The following NAALADL2 variants were observed in gnomAD, a reference collection of about 807,000 sequenced individuals.
The protein encoded by NAALADL2 is inactive N-acetylated-alpha-linked acidic dipeptidase-like protein 2.
NAALADL2 carries 76 observed loss-of-function variants against 87.2 expected under a neutral mutation model. That is an observed-to-expected ratio of 0.87 (90% CI 0.72 to 1.05). NAALADL2 has a LOEUF of 1.05. NAALADL2 is among the 50% of genes least tolerant of loss of function. The pLI, the probability that NAALADL2 is intolerant of heterozygous loss-of-function variation, is 0.00. For synonymous variants in NAALADL2, 354 were observed against 331.0 expected (o/e 1.07, Z -0.75); for missense variants, 1,089 against 945.8 (o/e 1.15, Z -1.99).
Position 175,162,286 on chromosome 3 carries a change from T to C in NAALADL2, c.545+64995T>C, listed in dbSNP as rs182897504. Among the ~76,000 whole-genome samples, 229 of 152,282 alleles carry C rather than the reference T, an allele frequency of 1.5e-3. 2 individuals are homozygous for C. Among genetic ancestry groups the C allele is most frequent in the Admixed American group, 0.014 (220 of 15,276 alleles). ...GAACCCACATTTTATTTATCCACAA[T>C]GTTGTGTATACCTTCCCCCTTCCTC... On this transcript the variant is annotated intron_variant, in intron 2 of 13. Transcript: ENST00000454872.
intron 1 of NAALADL2, among the ~76,000 whole-genome samples, chr3:174,479,568 G>A (rs532754398): frequency 2.0e-5 from 3 of 152,162 alleles, no homozygotes; most frequent in South Asian, 4.1e-4. Context: ...GCAGGTTGGG[G>A]ATAAGGATGG....
chr3:174,679,721 T>C (rs1401195600), intron 2 of NAALADL2, among the ~76,000 whole-genome samples: 1 of 152,194 alleles, frequency 6.6e-6, no homozygotes, highest in Non-Finnish European at 1.5e-5. Context: ...ACAAAACTTT[T>C]TCTAAATAGC....
chr3:174,650,262 C>T (rs893772135), intron 2 of NAALADL2, among the ~76,000 whole-genome samples: 5 of 151,980 alleles, frequency 3.3e-5, no homozygotes, highest in Non-Finnish European at 7.4e-5. Context: ...CATTGAATGT[C>T]TATAAAATAT....
At chr3:175,263,006 AAAAAAAAC>A (rs1407168347) in intron 4 of NAALADL2, among the ~76,000 whole-genome samples, 2 of 151,426 alleles carry the variant, frequency 1.3e-5, no homozygotes, top group Non-Finnish European at 3.0e-5. Flanking sequence ...TTGCAAAAAA[AAAAAAAAC>A]AAAAAACAAT....
Position 175,788,084 on chromosome 3 carries a change from AC to A in NAALADL2, c.2190-14919del, listed in dbSNP as rs1752312227. ...GCCTTACACAGGTGTACAGTTTTTTACCTGTTTTTTTTTTTTTTTTTTTTTT... is the reference window on the plus strand; with the variant it reads ...GCCTTACACAGGTGTACAGTTTTTTACTGTTTTTTTTTTTTTTTTTTTTTT... On this transcript the variant is annotated intron_variant, in intron 13 of 13. Transcript: ENST00000454872. 3.9e-3 allele frequency among the ~76,000 whole-genome samples: 488 copies of A among 125,426 alleles called. 2 individuals are homozygous for A. The highest frequency in any genetic ancestry group is 0.014 in the African/African-American group (464 of 32,306). 82.3% of individuals were successfully genotyped at this position (125,426 alleles called of 152,430 possible). A position where few individuals can be genotyped will look rare whatever the true frequency, so the allele number is the denominator to read the frequency against.
chr3:174,616,764 G>A (rs1720500968), intron 2 of NAALADL2, among the ~76,000 whole-genome samples: 1 of 151,798 alleles, frequency 6.6e-6, no homozygotes, highest in Non-Finnish European at 1.5e-5. Flanking sequence ...GATAGAAAAA[G>A]CGAATTCCAG....
intron 11 of NAALADL2, among the ~76,000 whole-genome samples, chr3:175,734,850 C>G (rs1056075022): frequency 2.0e-5 from 3 of 152,226 alleles, no homozygotes; most frequent in African/African-American, 7.2e-5. Context: ...GCAAAGGTCT[C>G]TGACATGCCC....
intron 2 of NAALADL2, among the ~76,000 whole-genome samples, chr3:174,666,514 G>A (rs1006122541): frequency 4.6e-5 from 7 of 151,930 alleles, no homozygotes; most frequent in African/African-American, 1.5e-4. Context: ...TTATGGCTTC[G>A]ATTATCACTA....
chr3:174,980,488 G>C (rs1041256494), intron 1 of NAALADL2, among the ~76,000 whole-genome samples: 10 of 152,088 alleles, frequency 6.6e-5, no homozygotes, highest in Non-Finnish European at 1.5e-4. Context: ...TGCATCCTGG[G>C]AAACATAGTG....
chr3:175,140,018 A>G (rs1433966787), intron 2 of NAALADL2, among the ~76,000 whole-genome samples: 1 of 152,194 alleles, frequency 6.6e-6, no homozygotes, highest in Non-Finnish European at 1.5e-5. Context: ...TGAGGGGCTT[A>G]TAGTCTATAG....
chr3:174,850,966 A>G (rs1055149763), intron 3 of NAALADL2, among the ~76,000 whole-genome samples: 2 of 152,166 alleles, frequency 1.3e-5, no homozygotes, highest in African/African-American at 4.8e-5. Context: ...GAAACTTTGG[A>G]AACTCTACAA....
chr3:174,928,783 G>A (rs943052398), intron 1 of NAALADL2, among the ~76,000 whole-genome samples: 1 of 152,058 alleles, frequency 6.6e-6, no homozygotes, highest in African/African-American at 2.4e-5. Flanking sequence ...GGTAGTTGTG[G>A]GAAAAGTGTG....
intron 5 of NAALADL2, among the ~76,000 whole-genome samples, chr3:175,366,020 C>T (rs531012988): frequency 1.3e-5 from 1 of 77,426 alleles, no homozygotes; most frequent in South Asian, 6.7e-4. Context: ...ACCCTCCCCC[C>T]TCCCCCCACC....
At chr3:175,766,760 A>G (rs897560355) in intron 13 of NAALADL2, among the ~76,000 whole-genome samples, 2 of 152,176 alleles carry the variant, frequency 1.3e-5, no homozygotes, top group Non-Finnish European at 2.9e-5. Context: ...CTAAAACCTC[A>G]TTTTGCTACA....
intron 11 of NAALADL2, among the ~76,000 whole-genome samples, chr3:175,688,837 G>A (rs1736668993): frequency 6.6e-6 from 1 of 152,166 alleles, no homozygotes. Flanking sequence ...TAGAAAGGGA[G>A]GCACCTGGGC....
At chr3:174,806,934 A>G (rs184384577) in intron 3 of NAALADL2, among the ~76,000 whole-genome samples, 6 of 152,278 alleles carry the variant, frequency 3.9e-5, no homozygotes, top group Non-Finnish European at 8.8e-5. Context: ...CAGGAGAAAC[A>G]TCATTGTCCT....
intron 5 of NAALADL2, among the ~76,000 whole-genome samples, chr3:175,325,931 T>C (rs1186873529): frequency 6.6e-6 from 1 of 152,214 alleles, no homozygotes; most frequent in Non-Finnish European, 1.5e-5. Context: ...ACCCTTTCTT[T>C]CTTCTCCTAG....
At chr3:175,219,090 A>T (rs970035161) in intron 2 of NAALADL2, among the ~76,000 whole-genome samples, 5 of 152,106 alleles carry the variant, frequency 3.3e-5, no homozygotes, top group Admixed American at 6.6e-5. Flanking sequence ...GTAATGTTAT[A>T]TATTATTCTA....
intron 4 of NAALADL2, among the ~76,000 whole-genome samples, chr3:175,290,878 A>G (rs1476207256): frequency 6.6e-6 from 1 of 151,906 alleles, no homozygotes; most frequent in African/African-American, 2.4e-5. Context: ...TTCAGTTTGA[A>G]TAGAGAAAGA....
Sources: allele counts gnomAD v4.1 joint callset (sites outside exome capture counted in the v4.1 genomes callset), GRCh38; gene constraint gnomAD v4.1.1; transcripts MANE v1.5; gene names NCBI Gene and HGNC (gene_info 2026-07-23, HGNC 2026-07-21).